Variants in DAB1 observed in about 807,000 individuals in gnomAD.
DAB1 encodes disabled homolog 1.
DAB1 carries 15 observed loss-of-function variants against 64.6 expected under a neutral mutation model. The observed-to-expected ratio is 0.23, with a 90% CI of 0.16 to 0.36. DAB1 has a LOEUF of 0.36. DAB1 is among the 10% of genes least tolerant of loss of function. The probability of loss-of-function intolerance (pLI) is 1.00; values close to 1 mark genes in which losing one functional copy is unlikely to be tolerated. For missense variants in DAB1, 596 were observed against 706.7 expected (o/e 0.84, Z 1.78); for synonymous variants, 235 against 251.9 (o/e 0.93, Z 0.64).
intron 2 of DAB1, among the ~76,000 whole-genome samples, chr1:57,190,802 G>A (rs190374374): frequency 1.3e-3 from 194 of 152,220 alleles, no homozygotes; most frequent in African/African-American, 4.2e-3. Context: ...TGGGGTTCTC[G>A]ACAGGTGATG....
At chr1:58,300,640 GAGAGAGAGGAAGGAAGGA>G (rs1198235335) in intron 4 of DAB1, among the ~76,000 whole-genome samples, 16 of 57,420 alleles carry the variant, frequency 2.8e-4, no homozygotes, top group African/African-American at 3.1e-4. Flanking sequence ...GAGAGAGAGA[GAGAGAGAGGAAGGAAGGA>G]AGGAAGGAAG....
chr1:58,253,943 G>A (rs1439081018), intron 4 of DAB1, among the ~76,000 whole-genome samples: 1 of 152,184 alleles, frequency 6.6e-6, no homozygotes, highest in African/African-American at 2.4e-5. Context: ...AGAATCAAAT[G>A]AGATAATGCA....
intron 3 of DAB1, among the ~76,000 whole-genome samples, chr1:58,431,344 T>C (rs35066974): frequency 6.6e-6 from 1 of 151,932 alleles, no homozygotes; most frequent in Non-Finnish European, 1.5e-5. Flanking sequence ...TGGATCACTA[T>C]GTCAAGAGAT....
chr1:58,321,723 T>C (rs1019721058), intron 4 of DAB1, among the ~76,000 whole-genome samples: 1 of 152,250 alleles, frequency 6.6e-6, no homozygotes, highest in Non-Finnish European at 1.5e-5. Flanking sequence ...GCATCCACCA[T>C]TGCTGAGGCT....
chr1:57,732,139 A>G (rs1433891942), intron 6 of DAB1, among the ~76,000 whole-genome samples: 1 of 152,168 alleles, frequency 6.6e-6, no homozygotes, highest in African/African-American at 2.4e-5. Flanking sequence ...GTGGTGGTGG[A>G]GTCAGCTGAT....
At chr1:57,342,210 T>C (rs1263786393) in intron 1 of DAB1, among the ~76,000 whole-genome samples, 1 of 152,170 alleles carries the variant, frequency 6.6e-6, no homozygotes, top group Non-Finnish European at 1.5e-5. Context: ...TTCCAACCCT[T>C]CTCACCTGGC....
intron 1 of DAB1, among the ~76,000 whole-genome samples, chr1:57,367,867 C>A (rs1046467952): frequency 6.6e-6 from 1 of 152,182 alleles, no homozygotes; most frequent in African/African-American, 2.4e-5. Flanking sequence ...GCCTCCCAAA[C>A]TATGACTGCA....
At chr1:58,428,073 T>A (rs564681754) in intron 3 of DAB1, among the ~76,000 whole-genome samples, 1 of 152,358 alleles carries the variant, frequency 6.6e-6, no homozygotes, top group East Asian at 1.9e-4. Context: ...CTGCCTTTCC[T>A]TTTTGAATTG....
intron 3 of DAB1, among the ~76,000 whole-genome samples, chr1:58,490,563 C>G (rs1645663122): frequency 7.2e-5 from 11 of 152,042 alleles, no homozygotes; most frequent in Admixed American, 7.2e-4. Flanking sequence ...CAAGGCAGGC[C>G]AACATTCAAA....
intron 2 of DAB1, among the ~76,000 whole-genome samples, chr1:58,518,142 C>T (rs1187429614): frequency 6.9e-6 from 1 of 144,798 alleles, no homozygotes; most frequent in Non-Finnish European, 1.5e-5. Flanking sequence ...GCTGAGATCG[C>T]GCCATTGCAC....
At chr1:57,519,447 T>G (rs1212133974) in intron 7 of DAB1, among the ~76,000 whole-genome samples, 1 of 152,144 alleles carries the variant, frequency 6.6e-6, no homozygotes, top group Non-Finnish European at 1.5e-5. Flanking sequence ...CCTCATCCGA[T>G]TCTCTCAAAT....
chr1:58,015,164 C>T (rs1646721147), intron 5 of DAB1, among the ~76,000 whole-genome samples: 1 of 152,200 alleles, frequency 6.6e-6, no homozygotes, highest in Non-Finnish European at 1.5e-5. Context: ...GAGATGGAGG[C>T]AGTGTCTTTG....
chr1:57,450,091 T>G (rs960527171), intron 7 of DAB1, among the ~76,000 whole-genome samples: 1 of 152,226 alleles, frequency 6.6e-6, no homozygotes, highest in Non-Finnish European at 1.5e-5. Flanking sequence ...TCCAAAACTG[T>G]TAAAGCTATT....
intron 7 of DAB1, among the ~76,000 whole-genome samples, chr1:57,572,881 GA>G (rs1645208962): frequency 6.6e-6 from 1 of 152,024 alleles, no homozygotes; most frequent in South Asian, 2.1e-4. Context: ...AGAGTGAAGG[GA>G]AAGGTGCCAC....
intron 1 of DAB1, among the ~76,000 whole-genome samples, chr1:57,409,833 A>C (rs1420730456): frequency 6.6e-6 from 1 of 152,122 alleles, no homozygotes; most frequent in Non-Finnish European, 1.5e-5. Flanking sequence ...ACAAACAAAA[A>C]CTAGCATCAG....
intron 6 of DAB1, among the ~76,000 whole-genome samples, chr1:57,797,893 G>A (rs1435471956): frequency 6.6e-6 from 1 of 152,156 alleles, no homozygotes; most frequent in Non-Finnish European, 1.5e-5. Context: ...GTTACTTATT[G>A]CTGTATTAAT....
intron 4 of DAB1, among the ~76,000 whole-genome samples, chr1:58,242,965 T>C (rs533756419): frequency 2.9e-4 from 44 of 152,052 alleles, no homozygotes; most frequent in Non-Finnish European, 4.4e-4. Context: ...GAAGTGGAAA[T>C]AGCCACCATG....
intron 5 of DAB1, among the ~76,000 whole-genome samples, chr1:58,066,989 C>T (rs1648894618): frequency 6.6e-6 from 1 of 152,204 alleles, no homozygotes; most frequent in African/African-American, 2.4e-5. Context: ...ATCCCAACAC[C>T]TCCTCAGAGC....
At chr1:57,631,913 C>T (rs567340520) in intron 7 of DAB1, among the ~76,000 whole-genome samples, 74 of 152,138 alleles carry the variant, frequency 4.9e-4, no homozygotes, top group Admixed American at 2.2e-3. Context: ...TACCAGGACA[C>T]AGGACCCTCT....
Sources: gnomAD v4.1 joint callset for allele counts (sites outside exome capture counted in the v4.1 genomes callset) on GRCh38, gnomAD v4.1.1 for gene constraint, MANE v1.5 for transcripts, NCBI Gene and HGNC (gene_info 2026-07-23, HGNC 2026-07-21) for gene names.